Variants in JMY observed in about 807,000 individuals in gnomAD.
JMY encodes the protein junction-mediating and -regulatory protein.
Under a neutral mutation model 103.3 loss-of-function variants are expected in JMY, and 46 were observed. The ratio of observed to expected loss-of-function variants is 0.45; its 90% CI spans 0.35 to 0.57. The LOEUF is 0.57. Ranked by LOEUF, JMY falls within the 20% of genes least tolerant of loss-of-function variation. The pLI is 0.00. For missense variants in JMY, 1,238 were observed against 1,255.2 expected (o/e 0.99, Z 0.21); for synonymous variants, 526 against 489.3 (o/e 1.07, Z -0.99).
At position 79,245,711 on chromosome 5, in the gene JMY, C is replaced by G. The variant is rs755752324; in HGVS notation, c.1032+8029C>G. On this transcript the variant is annotated intron_variant, in intron 1 of 10. Transcript: ENST00000396137. ...CATGACTTTGGCTCACTGCAACCTC[C>G]GCCTCCCAGGTTCAAATGATTATTC... Among the ~76,000 whole-genome samples the G allele has an allele frequency of 3.3e-5, 5 of 152,216 alleles. No individual in the cohort carries two copies. The East Asian group carries it at 7.7e-4, about 24-fold the overall frequency.
rs572785465 is a variant in JMY at position 79,327,033 on chromosome 5, G to GTAAT, written c.*5433_*5436dup. ...CTCTTTAGTGCAGCTTTTCTGCATT[G>GTAAT]TAATTGTATTGCTTTGTATTTCATG... On this transcript the variant is annotated 3_prime_UTR_variant, in exon 11 of 11. Coordinates refer to ENST00000396137, the MANE Select transcript of JMY (RefSeq NM_152405.5). The GTAAT allele has an allele frequency of 1.6e-4, 24 of 152,232 alleles. No homozygotes were observed. The East Asian group carries it at 4.6e-3, about 29-fold the overall frequency. The allele number at this position is 152,232 out of a possible 1,614,324, so 9.4% of individuals were successfully genotyped here. A position where few individuals can be genotyped will look rare whatever the true frequency, so the allele number is the denominator to read the frequency against.
intron 7 of JMY, among the ~76,000 whole-genome samples, chr5:79,310,051 CT>C (rs1424134904): frequency 9.6e-6 from 1 of 104,358 alleles, no homozygotes; most frequent in African/African-American, 4.5e-5. Flanking sequence ...GATTATCTTT[CT>C]TTTCCTTTTT....
intron 3 of JMY, 44 bp from the exon 4 acceptor site, chr5:79,291,086 A>T: frequency 7.3e-7 from 1 of 1,372,286 alleles, no homozygotes; most frequent in African/African-American, 1.5e-5. Context: ...CTTCAGTATT[A>T]AGTTGTTATT....
intron 1 of JMY, among the ~76,000 whole-genome samples, chr5:79,253,652 A>G (rs1377585085): frequency 1.3e-5 from 2 of 152,038 alleles, no homozygotes; most frequent in African/African-American, 2.4e-5. Flanking sequence ...CAGTGTTATA[A>G]TCTGTTTTTC....
chr5:79,277,791 C>T, intron 1 of JMY, 119 bp from the exon 2 acceptor site: 1 of 737,188 alleles, frequency 1.4e-6, no homozygotes, highest in Non-Finnish European at 2.1e-6. Context: ...GCTTTTCATT[C>T]CCTCTTGCTT....
chr5:79,300,453 T>A, intron 5 of JMY, 135 bp downstream of exon 5: 1 of 868,856 alleles, frequency 1.2e-6, no homozygotes, highest in South Asian at 2.1e-5. Context: ...GGGGGGTGAT[T>A]TCTAGCATTT....
At chr5:79,294,751 G>A (rs1746519996) in intron 4 of JMY, among the ~76,000 whole-genome samples, 1 of 151,744 alleles carries the variant, frequency 6.6e-6, no homozygotes, top group Non-Finnish European at 1.5e-5. Context: ...CCAGCTACTC[G>A]GGAGGCTGAA....
At chr5:79,310,662 A>C (rs1747019357) in intron 7 of JMY, among the ~76,000 whole-genome samples, 1 of 152,212 alleles carries the variant, frequency 6.6e-6, no homozygotes, top group South Asian at 2.1e-4. Context: ...TTGTGAATTA[A>C]ATATGCAAGA....
intron 2 of JMY, among the ~76,000 whole-genome samples, chr5:79,279,312 C>T (rs533048387): frequency 1.4e-4 from 22 of 152,142 alleles, no homozygotes; most frequent in Non-Finnish European, 2.9e-4. Context: ...CCAGCCTGGG[C>T]GACACAGCAA....
intron 6 of JMY, among the ~76,000 whole-genome samples, chr5:79,305,295 C>CA (rs1363743994): frequency 6.6e-6 from 1 of 151,822 alleles, no homozygotes; most frequent in African/African-American, 2.4e-5. Context: ...ACTAAAAATA[C>CA]AAAAAAATTA....
rs1410042746 is a variant in JMY, at chr5:79,306,376, A to G, written c.1883A>G (p.Glu628Gly). ...AKKSYLRNKK[E>G]ICIAKHNEKI... The stretch of plus-strand genomic sequence containing the variant: ...AAAACACATTTTATGTATTTACAGG[A>G]AATATGTATTGCAAAACACAATGAA... The change falls in exon 7 of 11, where the codon GAA (glutamate) becomes GGA (glycine). Residue 628 changes from glutamate (E) to glycine (G), a missense_variant and splice_region_variant. Coordinates refer to ENST00000396137, the MANE Select transcript of JMY (RefSeq NM_152405.5). The G allele has an allele frequency of 3.7e-6, 6 of 1,605,724 alleles. No homozygotes were observed. The African/African-American group carries it at 6.7e-5, about 18-fold the overall frequency.
At chr5:79,293,393 CTTTTT>C (rs1204218599) in intron 4 of JMY, among the ~76,000 whole-genome samples, 1 of 61,826 alleles carries the variant, frequency 1.6e-5, no homozygotes, top group Admixed American at 2.5e-4. Flanking sequence ...AACTTTTTAA[CTTTTT>C]TTAACTTTTT....
At chr5:79,308,368 T>C (rs1746949153) in intron 7 of JMY, among the ~76,000 whole-genome samples, 1 of 152,224 alleles carries the variant, frequency 6.6e-6, no homozygotes. Flanking sequence ...TTTAAGTCTG[T>C]GATCCATTTT....
chr5:79,243,450 A>T (rs1464999828), intron 1 of JMY, among the ~76,000 whole-genome samples: 1 of 152,158 alleles, frequency 6.6e-6, no homozygotes, highest in Non-Finnish European at 1.5e-5. Flanking sequence ...ATAGGGAAGG[A>T]TATAATATGA....
At chr5:79,320,630 G>GTAAC (rs1333437433) in intron 10 of JMY, among the ~76,000 whole-genome samples, 2 of 152,098 alleles carry the variant, frequency 1.3e-5, no homozygotes, top group African/African-American at 4.8e-5. Flanking sequence ...GTCTTCTAAA[G>GTAAC]TAACTATAGC....
chr5:79,290,412 T>A, intron 3 of JMY, 141 bp downstream of exon 3: 1 of 401,890 alleles, frequency 2.5e-6, no homozygotes, highest in Non-Finnish European at 4.3e-6. Context: ...ATTAGCAAAT[T>A]AAGGCACATC....
Position 79,314,639 on chromosome 5 carries a change from CTCCTCCCCCT to C in JMY, c.2448_2457del (p.Pro818HisfsTer67). ...CCTCCAACACCACCACCTCCCCCAC[CTCCTCCCCCT>C]CCCCCACCACCACCACCTCTGCCTG... On this transcript the variant is annotated frameshift_variant, in exon 9 of 11. Coordinates refer to ENST00000396137, the MANE Select transcript of JMY (RefSeq NM_152405.5). LOFTEE classifies it high-confidence loss of function. 6.7e-7 allele frequency: 1 copy of C among 1,495,266 alleles called. No individual in the cohort carries two copies. Among genetic ancestry groups the C allele is most frequent in the Non-Finnish European group, 9.2e-7 (1 of 1,089,100 alleles). The allele number at this position is 1,495,266 out of a possible 1,614,324, so 92.6% of individuals were successfully genotyped here.
chr5:79,315,234 T>C (rs922099471), intron 9 of JMY, among the ~76,000 whole-genome samples: 7 of 152,234 alleles, frequency 4.6e-5, no homozygotes, highest in Admixed American at 2.0e-4. Context: ...GGCAGGATCA[T>C]GTAACATTTG....
chr5:79,314,910 T>A, intron 9 of JMY, 59 bp downstream of exon 9: 1 of 1,449,210 alleles, frequency 6.9e-7, no homozygotes, highest in Non-Finnish European at 9.2e-7. Context: ...AGTAAAAAAC[T>A]ATATTTTTTG....
Sources: allele counts gnomAD v4.1 joint callset (sites outside exome capture counted in the v4.1 genomes callset), GRCh38; gene constraint gnomAD v4.1.1; transcripts MANE v1.5; gene names NCBI Gene and HGNC (gene_info 2026-07-23, HGNC 2026-07-21).